The following DIP2C variants were observed in gnomAD, a reference collection of about 807,000 sequenced individuals.
DIP2C encodes the protein DIP2 acetate--CoA ligase C (putative).
Under a neutral mutation model 192.4 loss-of-function variants are expected in DIP2C, and 33 were observed. The ratio of observed to expected loss-of-function variants is 0.17; its 90% CI spans 0.13 to 0.23. The LOEUF is 0.23. Ranked by LOEUF, DIP2C falls within the 10% of genes least tolerant of loss-of-function variation. The pLI is 1.00. For synonymous variants in DIP2C, 979 were observed against 864.1 expected (o/e 1.13, Z -2.33); for missense variants, 1,537 against 2,110.1 (o/e 0.73, Z 5.32).
At chr10:408,017 C>CT (rs1374767552) in intron 9 of DIP2C, among the ~76,000 whole-genome samples, 1 of 152,062 alleles carries the variant, frequency 6.6e-6, no homozygotes, top group East Asian at 1.9e-4. Context: ...CATGAGGTGT[C>CT]TTCTCTATAT....
chr10:579,772 A>C (rs1478196589), intron 1 of DIP2C, among the ~76,000 whole-genome samples: 3 of 152,082 alleles, frequency 2.0e-5, no homozygotes, highest in Non-Finnish European at 2.9e-5. Context: ...TGCAGAGCAT[A>C]CACATCCATA....
chr10:306,061 T>C lies in DIP2C; in HGVS notation c.3986+3970A>G, dbSNP rs60353296. ...CATGGAAAGACCAAATTGGAAGTCA[T>C]TGAGAGACTTATGATTTCATTTTAA... On this transcript the variant is annotated intron_variant, in intron 32 of 36. Coordinates refer to ENST00000280886, the MANE Select transcript of DIP2C (RefSeq NM_014974.3). 6.3e-4 allele frequency among the ~76,000 whole-genome samples: 96 copies of C among 152,094 alleles called. 2 individuals are homozygous for C. Among genetic ancestry groups the C allele is most frequent in the South Asian group, 5.0e-3 (24 of 4,824 alleles).
rs537783763 is a variant in DIP2C at position 525,605 on chromosome 10, C to T, written c.86-39075G>A. Among the ~76,000 whole-genome samples, 3 of 152,316 alleles carry T rather than the reference C, an allele frequency of 2.0e-5. No homozygotes were observed. In the East Asian group the frequency reaches 5.8e-4, roughly 29 times the overall value. On this transcript the variant is annotated intron_variant, in intron 1 of 36. Coordinates refer to ENST00000280886, the MANE Select transcript of DIP2C (RefSeq NM_014974.3). ...CTTTACAAGACTTCAGAATTTTCCT[C>T]ATCTGCAAGTGAAAATGAACCTCCT...
intron 6 of DIP2C, among the ~76,000 whole-genome samples, chr10:416,813 A>G (rs954989147): frequency 6.6e-6 from 1 of 152,176 alleles, no homozygotes; most frequent in African/African-American, 2.4e-5. Context: ...CTGGGAAACC[A>G]TCACCCAGAG....
rs192701921 is a variant in DIP2C, at chr10:278,253, C to T, written c.4419-676G>A. Among the ~76,000 whole-genome samples, 10 of 152,340 alleles carry T rather than the reference C, an allele frequency of 6.6e-5. 1 individual carries two copies. Among genetic ancestry groups the T allele is most frequent in the East Asian group, 3.9e-4 (2 of 5,178 alleles). On this transcript the variant is annotated intron_variant, in intron 36 of 36. Transcript: ENST00000280886. The stretch of plus-strand genomic sequence containing the variant: ...TCCAGCTCTGCTGCTGAGGGCCGTG[C>T]GTGCGGAGGCCAAGGGCATGGGTGC...
chr10:685,353 G>A (rs930475793), intron 1 of DIP2C, among the ~76,000 whole-genome samples: 4 of 151,824 alleles, frequency 2.6e-5, no homozygotes, highest in African/African-American at 7.3e-5. Flanking sequence ...TGAAGGAATC[G>A]GCTACATTAA....
At chr10:503,687 A>T (rs1313412185) in intron 1 of DIP2C, among the ~76,000 whole-genome samples, 1 of 152,094 alleles carries the variant, frequency 6.6e-6, no homozygotes, top group Admixed American at 6.5e-5. Flanking sequence ...TTCGGCTCTT[A>T]CCCCTCTGCT....
intron 1 of DIP2C, among the ~76,000 whole-genome samples, chr10:568,897 A>C (rs1443218529): frequency 6.6e-6 from 1 of 151,966 alleles, no homozygotes; most frequent in Non-Finnish European, 1.5e-5. Context: ...GAGTAACAAA[A>C]TCAAAAATGC....
chr10:411,050 C>A (rs1024913393), intron 8 of DIP2C, among the ~76,000 whole-genome samples: 1 of 152,170 alleles, frequency 6.6e-6, no homozygotes, highest in East Asian at 1.9e-4. Context: ...TGAACCGGAG[C>A]AAGCCCGGGA....
intron 1 of DIP2C, among the ~76,000 whole-genome samples, chr10:531,570 C>T (rs529597117): frequency 6.6e-6 from 1 of 152,172 alleles, no homozygotes; most frequent in Non-Finnish European, 1.5e-5. Flanking sequence ...CTGACGGAAG[C>T]GTCTATCGCC....
At chr10:617,598 T>A (rs996490260) in intron 1 of DIP2C, among the ~76,000 whole-genome samples, 1 of 152,064 alleles carries the variant, frequency 6.6e-6, no homozygotes, top group African/African-American at 2.4e-5. Context: ...CGCAGTGACC[T>A]GCCACGTAGC....
chr10:632,873 G>A (rs1317332463), intron 1 of DIP2C, among the ~76,000 whole-genome samples: 2 of 132,182 alleles, frequency 1.5e-5, no homozygotes, highest in East Asian at 4.7e-4. Context: ...CGCGGGCACC[G>A]GTGTGAACCC....
At chr10:372,749 C>T (rs1031952203) in intron 17 of DIP2C, among the ~76,000 whole-genome samples, 49 of 151,330 alleles carry the variant, frequency 3.2e-4, no homozygotes, top group Middle Eastern at 3.5e-3. Context: ...CACAGAAGCA[C>T]GGGTGCTCCC....
intron 17 of DIP2C, among the ~76,000 whole-genome samples, chr10:380,648 A>C (rs1364059409): frequency 6.6e-6 from 1 of 152,248 alleles, no homozygotes; most frequent in Non-Finnish European, 1.5e-5. Context: ...TCTTTAAAAA[A>C]CATAAGGAGT....
At chr10:625,158 C>T (rs1051641340) in intron 1 of DIP2C, among the ~76,000 whole-genome samples, 1 of 152,188 alleles carries the variant, frequency 6.6e-6, no homozygotes, top group Admixed American at 6.5e-5. Flanking sequence ...TCACTGTTTA[C>T]GCTGACAATT....
chr10:384,080 T>C lies in DIP2C; in HGVS notation c.1823A>G (p.Asp608Gly). ...WALVAHRDQR[D>G]INLSSLRMLI... ...CATTCGCAGAGAGGAGAGGTTGATG[T>C]CTCTCTGATCTCTGTGTGCTACTAA... The change falls in exon 16 of 37, where the codon GAC (aspartate) becomes GGC (glycine). Residue 608 changes from aspartate to glycine, a missense_variant. Transcript: ENST00000280886. 6.2e-7 allele frequency: 1 copy of C among 1,612,102 alleles called. No homozygotes were observed. The highest frequency in any genetic ancestry group is 8.5e-7 in the Non-Finnish European group (1 of 1,179,474).
intron 1 of DIP2C, among the ~76,000 whole-genome samples, chr10:543,724 A>G (rs983422522): frequency 1.4e-4 from 22 of 152,260 alleles, no homozygotes; most frequent in Admixed American, 3.9e-4. Context: ...TCAACACCAA[A>G]TAAGTTCTTT....
At chr10:585,090 C>G (rs1158343216) in intron 1 of DIP2C, among the ~76,000 whole-genome samples, 4 of 152,220 alleles carry the variant, frequency 2.6e-5, no homozygotes, top group African/African-American at 9.7e-5. Flanking sequence ...CATCACCTCT[C>G]CAGCAGAAAG....
chr10:320,897 G>A (rs568497648), intron 31 of DIP2C, among the ~76,000 whole-genome samples: 141 of 152,374 alleles, frequency 9.3e-4, no homozygotes, highest in African/African-American at 3.0e-3. Context: ...TGGCAATTCA[G>A]AGGAAAGAGA....
Sources: allele counts gnomAD v4.1 joint callset (sites outside exome capture counted in the v4.1 genomes callset), GRCh38; gene constraint gnomAD v4.1.1; transcripts MANE v1.5; gene names NCBI Gene and HGNC (gene_info 2026-07-23, HGNC 2026-07-21).